The following HIVEP1 variants were observed in gnomAD, a reference collection of about 807,000 sequenced individuals.
HIVEP1 encodes HIVEP zinc finger 1, also known as zinc finger protein 40.
A neutral mutation model predicts 180.0 loss-of-function variants in HIVEP1; 36 were observed. That is an observed-to-expected ratio of 0.20 (90% CI 0.15 to 0.26). The LOEUF is 0.26. HIVEP1 is among the 10% of genes least tolerant of loss of function. The pLI, the probability that HIVEP1 is intolerant of heterozygous loss-of-function variation, is 1.00. For missense variants in HIVEP1, 3,143 were observed against 3,268.7 expected, an observed-to-expected ratio of 0.96 and a Z score of 0.94; for synonymous variants, 1,239 against 1,239.0, an observed-to-expected ratio of 1.00 and a Z score of 0.00.
intron 2 of HIVEP1, among the ~76,000 whole-genome samples, chr6:12,043,701 C>A (rs1769930441): frequency 6.6e-6 from 1 of 152,124 alleles, no homozygotes; most frequent in Non-Finnish European, 1.5e-5. Context: ...TCATGATTTT[C>A]CTGGATTTGT....
chr6:12,129,482 A>G, intron 4 of HIVEP1: 1 of 458,702 alleles, frequency 2.2e-6, no homozygotes, highest in Non-Finnish European at 4.0e-6. Context: ...TAAACTTAAG[A>G]AATACCATGG....
At chr6:12,032,947 A>G (rs938542535) in intron 2 of HIVEP1, among the ~76,000 whole-genome samples, 1 of 152,234 alleles carries the variant, frequency 6.6e-6, no homozygotes. Context: ...TTTCCTTTCT[A>G]AAGTATAAAT....
intron 2 of HIVEP1, among the ~76,000 whole-genome samples, chr6:12,081,034 C>G (rs1295475919): frequency 6.6e-6 from 1 of 152,162 alleles, no homozygotes; most frequent in East Asian, 1.9e-4. Context: ...CTCTTGGTAC[C>G]TGTGTCACTC....
intron 2 of HIVEP1, among the ~76,000 whole-genome samples, chr6:12,049,153 C>T (rs1770329045): frequency 6.6e-6 from 1 of 152,242 alleles, no homozygotes; most frequent in African/African-American, 2.4e-5. Context: ...GTGTGGGTTA[C>T]CAAATAACAG....
chr6:12,153,107 A>T (rs1229192003), intron 7 of HIVEP1, among the ~76,000 whole-genome samples: 1 of 152,214 alleles, frequency 6.6e-6, no homozygotes, highest in Non-Finnish European at 1.5e-5. Flanking sequence ...TAAAAGTTCA[A>T]TTATTTACAT....
chr6:12,172,598 T>C, the HIVEP1 span, among the ~76,000 whole-genome samples: 1 of 152,206 alleles, frequency 6.6e-6, no homozygotes, highest in African/African-American at 2.4e-5. Context: ...ATTTTGAGAT[T>C]ATAGGTCATG....
At chr6:12,187,593 CT>C in the HIVEP1 span, among the ~76,000 whole-genome samples, 80,202 of 139,780 alleles carry the variant, frequency 0.57, 22,964 homozygotes, top group East Asian at 0.81. Flanking sequence ...CCAAATAAAT[CT>C]TTTTTTTTTT....
At chr6:12,057,063 A>C (rs1770932189) in intron 2 of HIVEP1, among the ~76,000 whole-genome samples, 1 of 152,034 alleles carries the variant, frequency 6.6e-6, no homozygotes, top group South Asian at 2.1e-4. Flanking sequence ...CTGGGTATGG[A>C]ATTTTTATCA....
intron 2 of HIVEP1, among the ~76,000 whole-genome samples, chr6:12,029,687 T>C (rs949246841): frequency 4.6e-5 from 7 of 152,206 alleles, no homozygotes; most frequent in Non-Finnish European, 8.8e-5. Flanking sequence ...TGGTAAAATA[T>C]AGAAACTTTT....
chr6:12,163,499 G>C lies in HIVEP1; in HGVS notation c.7195G>C (p.Val2399Leu). Reference protein sequence around the residue: ...QQQSRTPYNMVPVGGIHVVPA... With the variant: ...QQQSRTPYNMLPVGGIHVVPA... Reference sequence around the variant, plus strand: ...GCAATCGAGGACACCTTATAATATGGTTCCAGTTGGGGGGATCCATGTGGT... The same window carrying C: ...GCAATCGAGGACACCTTATAATATGCTTCCAGTTGGGGGGATCCATGTGGT... The change falls in exon 9 of 9, where the codon GTT becomes CTT. Residue 2399 changes from valine (V) to leucine (L), a missense_variant. Physicochemically the swap from Val to Leu is conservative, Grantham distance 32. This residue lies in a region of HIVEP1 where 595 missense variants were observed against 602.2 expected (regional missense o/e 0.99). Coordinates refer to ENST00000379388, the MANE Select transcript of HIVEP1 (RefSeq NM_002114.4). 6.2e-7 allele frequency: 1 copy of C among 1,614,084 alleles called. No homozygotes were observed. Among genetic ancestry groups the C allele is most frequent in the Non-Finnish European group, 8.5e-7 (1 of 1,180,018 alleles).
At chr6:12,041,905 C>T (rs181163331) in intron 2 of HIVEP1, among the ~76,000 whole-genome samples, 47 of 151,958 alleles carry the variant, frequency 3.1e-4, no homozygotes, top group African/African-American at 4.1e-4. Context: ...GTGATCCGCC[C>T]GCCTTGGCCT....
intron 2 of HIVEP1, among the ~76,000 whole-genome samples, chr6:12,076,357 A>C (rs1191552945): frequency 6.6e-6 from 1 of 152,222 alleles, no homozygotes; most frequent in African/African-American, 2.4e-5. Flanking sequence ...AAAATAGTTC[A>C]AAATCAGATA....
chr6:12,168,029 T>C (rs1481804974), downstream of HIVEP1, among the ~76,000 whole-genome samples: 3 of 62,538 alleles, frequency 4.8e-5, no homozygotes, highest in African/African-American at 2.6e-4. Flanking sequence ...TATATATGTA[T>C]ATATTATATA....
intron 2 of HIVEP1, among the ~76,000 whole-genome samples, chr6:12,027,707 C>T (rs1672954694): frequency 1.3e-5 from 2 of 152,124 alleles, no homozygotes; most frequent in South Asian, 4.1e-4. Flanking sequence ...GAAGGTCTTC[C>T]CCTGTGAGTG....
chr6:12,150,932 G>A (rs982923340), intron 7 of HIVEP1, among the ~76,000 whole-genome samples: 1 of 152,168 alleles, frequency 6.6e-6, no homozygotes, highest in Non-Finnish European at 1.5e-5. Flanking sequence ...GGTTGCTACT[G>A]AGTGTACGTG....
intron 3 of HIVEP1, among the ~76,000 whole-genome samples, chr6:12,119,530 T>A (rs1775431230): frequency 6.6e-6 from 1 of 152,242 alleles, no homozygotes; most frequent in Non-Finnish European, 1.5e-5. Context: ...CAAAACTTCT[T>A]GTTAGTTACC....
rs1216065546 is a variant in HIVEP1, at chr6:12,124,548, G to A, written c.4753G>A (p.Val1585Ile). 10 of 1,613,952 alleles carry A rather than the reference G, an allele frequency of 6.2e-6. No homozygotes were observed. The Middle Eastern group carries it at 4.9e-4, about 80-fold the overall frequency. Reference sequence around the variant, plus strand: ...TCCTGTGCATTCTTTGCCAAATCAAGTTATTTCAGATCCAGTTGGAACAGA... The same window carrying A: ...TCCTGTGCATTCTTTGCCAAATCAAATTATTTCAGATCCAGTTGGAACAGA... ...SNPVHSLPNQ[V>I]ISDPVGTDHC... is the part of the protein sequence containing the mutation. Residue 1585 changes from valine to isoleucine, a missense_variant, in exon 4 of 9, where the codon GTT becomes ATT. By Grantham distance (29) the Val-to-Ile change is conservative (BLOSUM62 3). Around this residue, in one of 12 missense-constraint regions of HIVEP1, gnomAD observed 1,357 missense variants for 1,260.5 expected, o/e 1.08. Coordinates refer to ENST00000379388, the MANE Select transcript of HIVEP1 (RefSeq NM_002114.4).
At chr6:12,211,877 C>T in the HIVEP1 span, among the ~76,000 whole-genome samples, 1 of 152,156 alleles carries the variant, frequency 6.6e-6, no homozygotes, top group Non-Finnish European at 1.5e-5. Flanking sequence ...TTGAGCCTTT[C>T]CACATGGTAT....
chr6:12,159,191 CGTGTGT>C (rs571300949), intron 7 of HIVEP1, among the ~76,000 whole-genome samples: 2 of 150,978 alleles, frequency 1.3e-5, no homozygotes, highest in Non-Finnish European at 3.0e-5. Context: ...TTAGGCTGTA[CGTGTGT>C]GTGTGTGTGT....
Sources: allele counts gnomAD v4.1 joint callset (sites outside exome capture counted in the v4.1 genomes callset), GRCh38; gene constraint gnomAD v4.1.1; regional missense constraint gnomAD v4.1.1; transcripts MANE v1.5; gene names NCBI Gene and HGNC (gene_info 2026-07-23, HGNC 2026-07-21).